Variants in COBL observed in about 807,000 individuals in gnomAD.
COBL encodes cordon-bleu WH2 repeat protein.
COBL carries 51 observed loss-of-function variants against 98.8 expected under a neutral mutation model. That is an observed-to-expected ratio of 0.52 (90% CI 0.41 to 0.65). The LOEUF is 0.65. Ranked by LOEUF, COBL falls within the 30% of genes least tolerant of loss-of-function variation. The pLI is 0.00. For synonymous variants in COBL, 634 were observed against 651.7 expected (o/e 0.97, Z 0.41); for missense variants, 1,617 against 1,617.5 (o/e 1.00, Z 0.01).
At chr7:51,040,536 G>A (rs900746987) in intron 8 of COBL, among the ~76,000 whole-genome samples, 6 of 152,244 alleles carry the variant, frequency 3.9e-5, no homozygotes, top group African/African-American at 7.2e-5. Flanking sequence ...GGTATCATCT[G>A]TGCTGGGCTT....
intron 2 of COBL, among the ~76,000 whole-genome samples, chr7:51,214,197 C>T (rs1236478742): frequency 6.6e-6 from 1 of 151,854 alleles, no homozygotes; most frequent in Non-Finnish European, 1.5e-5. Flanking sequence ...ACCTCGGAGG[C>T]AGAGGTTGCA....
chr7:51,196,707 G>A (rs1397283739), intron 2 of COBL, among the ~76,000 whole-genome samples: 1 of 151,524 alleles, frequency 6.6e-6, no homozygotes, highest in Non-Finnish European at 1.5e-5. Context: ...TTCAGATCTT[G>A]TTACTGGTCT....
chr7:51,239,662 GA>G (rs1795589126), intron 1 of COBL, among the ~76,000 whole-genome samples: 1 of 152,128 alleles, frequency 6.6e-6, no homozygotes, highest in South Asian at 2.1e-4. Context: ...TGAGATCCAA[GA>G]ACCTTTTCTT....
intron 5 of COBL, among the ~76,000 whole-genome samples, chr7:51,179,347 G>A (rs572370177): frequency 4.6e-5 from 7 of 151,992 alleles, no homozygotes; most frequent in Middle Eastern, 6.8e-3. Flanking sequence ...AGCAATTTTT[G>A]TATTTTAGTA....
intron 6 of COBL, among the ~76,000 whole-genome samples, chr7:51,109,898 G>A (rs1796669852): frequency 6.6e-6 from 1 of 152,120 alleles, no homozygotes; most frequent in Non-Finnish European, 1.5e-5. Context: ...AAAGAAACAG[G>A]CCACCTGTGC....
intron 5 of COBL, among the ~76,000 whole-genome samples, chr7:51,148,503 A>G (rs958744189): frequency 2.6e-5 from 4 of 152,268 alleles, no homozygotes; most frequent in Admixed American, 2.6e-4. Flanking sequence ...GCGGCTTCCA[A>G]GGCCTTGGCC....
At chr7:51,247,226 G>A (rs1324632732) in intron 1 of COBL, among the ~76,000 whole-genome samples, 2 of 152,150 alleles carry the variant, frequency 1.3e-5, no homozygotes, top group Non-Finnish European at 2.9e-5. Context: ...TCCCAATTGG[G>A]ATTGGCCCTA....
At chr7:51,055,738 C>A (rs1412457803) in intron 7 of COBL, among the ~76,000 whole-genome samples, 1 of 152,192 alleles carries the variant, frequency 6.6e-6, no homozygotes, top group African/African-American at 2.4e-5. Context: ...TCCTGGCCAG[C>A]CGGCTTTCTC....
intron 6 of COBL, among the ~76,000 whole-genome samples, chr7:51,094,732 T>G (rs911974874): frequency 1.3e-5 from 2 of 152,164 alleles, no homozygotes; most frequent in African/African-American, 4.8e-5. Context: ...TCCTGGAATA[T>G]AATATGTTCA....
chr7:51,153,012 A>G (rs1232842341), intron 5 of COBL, among the ~76,000 whole-genome samples: 1 of 152,188 alleles, frequency 6.6e-6, no homozygotes, highest in Non-Finnish European at 1.5e-5. Flanking sequence ...TATGGCTAAG[A>G]GCTACTTATC....
intron 2 of COBL, among the ~76,000 whole-genome samples, chr7:51,217,466 C>T (rs890485867): frequency 6.6e-6 from 1 of 151,724 alleles, no homozygotes; most frequent in Non-Finnish European, 1.5e-5. Context: ...CTCAGCCTCC[C>T]GAGTAGCTGG....
At chr7:51,275,251 T>C (rs1799191841) in intron 1 of COBL, among the ~76,000 whole-genome samples, 1 of 152,150 alleles carries the variant, frequency 6.6e-6, no homozygotes, top group Admixed American at 6.5e-5. Flanking sequence ...GCTGCCCTCC[T>C]GCAAAGGACC....
chr7:51,293,213 G>A (rs1801078074), intron 1 of COBL, among the ~76,000 whole-genome samples: 1 of 152,168 alleles, frequency 6.6e-6, no homozygotes, highest in Admixed American at 6.5e-5. Context: ...TGTAAAACAT[G>A]AAACATAACA....
intron 6 of COBL, among the ~76,000 whole-genome samples, chr7:51,131,779 G>A: frequency 6.6e-6 from 1 of 151,974 alleles, no homozygotes; most frequent in East Asian, 1.9e-4. Flanking sequence ...TTTTTAGTAG[G>A]GATGAGGTTT....
intron 5 of COBL, among the ~76,000 whole-genome samples, chr7:51,148,450 C>A (rs193006345): frequency 2.6e-5 from 4 of 152,208 alleles, no homozygotes; most frequent in African/African-American, 9.6e-5. Context: ...TACCCCTCAG[C>A]GGCCCACTGG....
rs546220416 is a variant in COBL, at chr7:51,264,506, A to G, written c.42-44562T>C. Among the ~76,000 whole-genome samples, 5 of 151,968 alleles carry G rather than the reference A, an allele frequency of 3.3e-5. No individual in the cohort carries two copies. In the South Asian group the frequency reaches 1.0e-3, roughly 32 times the overall value. On this transcript the variant is annotated intron_variant, in intron 1 of 12. Coordinates refer to ENST00000265136, the MANE Select transcript of COBL (RefSeq NM_015198.5). ...GTCAACATGGCAAAACCCCGTCTCTACTAAAAATACAAAAATTAGCCGGTC... is the reference window on the plus strand; with the variant it reads ...GTCAACATGGCAAAACCCCGTCTCTGCTAAAAATACAAAAATTAGCCGGTC...
At chr7:51,209,343 G>A (rs1792177567) in intron 2 of COBL, among the ~76,000 whole-genome samples, 1 of 152,198 alleles carries the variant, frequency 6.6e-6, no homozygotes, top group African/African-American at 2.4e-5. Context: ...GGAAGAGCAG[G>A]TGCCAGTAAG....
intron 11 of COBL, among the ~76,000 whole-genome samples, chr7:51,026,057 G>A (rs915019796): frequency 6.6e-6 from 1 of 152,192 alleles, no homozygotes; most frequent in Non-Finnish European, 1.5e-5. Context: ...AATGAGTAAT[G>A]TACAAATCAC....
At chr7:51,220,851 C>G (rs377025338) in intron 1 of COBL, among the ~76,000 whole-genome samples, 1 of 152,214 alleles carries the variant, frequency 6.6e-6, no homozygotes, top group African/African-American at 2.4e-5. Flanking sequence ...CTTGTTTCCG[C>G]CAGATTAGCC....
Sources: allele counts gnomAD v4.1 joint callset (sites outside exome capture counted in the v4.1 genomes callset), GRCh38; gene constraint gnomAD v4.1.1; transcripts MANE v1.5; gene names NCBI Gene and HGNC (gene_info 2026-07-23, HGNC 2026-07-21).